RSRC1: variants seen among roughly 807,000 people sequenced by gnomAD.
RSRC1 encodes arginine and serine rich coiled-coil 1, also known as serine/Arginine-related protein 53.
Under a neutral mutation model 49.1 loss-of-function variants are expected in RSRC1, and 39 were observed. The ratio of observed to expected loss-of-function variants is 0.79; its 90% CI spans 0.61 to 1.04. RSRC1 has a LOEUF of 1.04. Among genes scored for constraint, RSRC1 ranks in the 50% least tolerant of loss-of-function variants. The pLI is 0.00. For missense variants in RSRC1, 388 were observed against 402.4 expected (o/e 0.96, Z 0.31); for synonymous variants, 143 against 130.8 (o/e 1.09, Z -0.63).
At chr3:158,487,949 G>GGAAAAAAAAAATAAAA (rs1553814781) in intron 7 of RSRC1, among the ~76,000 whole-genome samples, 1 of 28,920 alleles carries the variant, frequency 3.5e-5, no homozygotes, top group Non-Finnish European at 6.0e-5. Flanking sequence ...TCCATCTCAA[G>GGAAAAAAAAAATAAAA]AAAAAAAAAA....
chr3:158,131,489 G>A (rs764619397), intron 3 of RSRC1, among the ~76,000 whole-genome samples: 2 of 152,034 alleles, frequency 1.3e-5, no homozygotes, highest in African/African-American at 2.4e-5. Context: ...GAAATAATGT[G>A]GATATGTTCA....
intron 5 of RSRC1, among the ~76,000 whole-genome samples, chr3:158,348,913 G>A (rs2108228306): frequency 6.6e-6 from 1 of 152,222 alleles, no homozygotes; most frequent in South Asian, 2.1e-4. Flanking sequence ...TTGCTGCAAA[G>A]GACATGATTT....
At chr3:158,306,016 C>G (rs752091765) in intron 5 of RSRC1, among the ~76,000 whole-genome samples, 7 of 151,956 alleles carry the variant, frequency 4.6e-5, no homozygotes, top group Non-Finnish European at 8.8e-5. Context: ...AAAACAATAT[C>G]TTAATTCCAG....
rs143115556 is a variant in RSRC1 at position 158,290,806 on chromosome 3, A to G, written c.495-7233A>G. On this transcript the variant is annotated intron_variant, in intron 4 of 9. Coordinates refer to ENST00000611884, the MANE Select transcript of RSRC1 (RefSeq NM_001271838.2). ...GAAAGAAAAAAATACAAAATTAACTATGATCTTAGCTCTTATATCCATAGA... is the reference window on the plus strand; with the variant it reads ...GAAAGAAAAAAATACAAAATTAACTGTGATCTTAGCTCTTATATCCATAGA... 1.8e-4 allele frequency among the ~76,000 whole-genome samples: 28 copies of G among 152,316 alleles called. No homozygotes were observed. The East Asian group carries it at 3.1e-3, about 17-fold the overall frequency.
intron 4 of RSRC1, among the ~76,000 whole-genome samples, chr3:158,278,303 G>A (rs533639281): frequency 7.9e-5 from 12 of 152,238 alleles, no homozygotes; most frequent in East Asian, 5.8e-4. Flanking sequence ...TTAAATTTTC[G>A]TAGACTTACA....
chr3:158,292,069 G>T (rs1726967931), intron 4 of RSRC1, among the ~76,000 whole-genome samples: 2 of 152,090 alleles, frequency 1.3e-5, no homozygotes, highest in Admixed American at 1.3e-4. Flanking sequence ...AAACTATCAG[G>T]TGCTACCTGG....
At chr3:158,316,072 T>C (rs1728419466) in intron 5 of RSRC1, among the ~76,000 whole-genome samples, 1 of 151,078 alleles carries the variant, frequency 6.6e-6, no homozygotes, top group Middle Eastern at 3.2e-3. Context: ...CTGGGGAGGC[T>C]GAGGCACGAG....
intron 7 of RSRC1, 46 bp downstream of exon 7, chr3:158,461,049 G>A (rs755643164): frequency 2.1e-6 from 3 of 1,418,306 alleles, no homozygotes; most frequent in African/African-American, 2.9e-5. Context: ...CTATTTGGCT[G>A]TATTTCCTGA....
At chr3:158,444,620 A>G (rs907547104) in intron 6 of RSRC1, among the ~76,000 whole-genome samples, 1 of 152,220 alleles carries the variant, frequency 6.6e-6, no homozygotes, top group Non-Finnish European at 1.5e-5. Flanking sequence ...TGTCTAAAAC[A>G]GCAAAAGCAA....
intron 1 of RSRC1, among the ~76,000 whole-genome samples, chr3:158,118,458 T>TGCGCGC (rs879879544): frequency 4.2e-5 from 5 of 119,850 alleles, no homozygotes; most frequent in East Asian, 2.5e-4. Context: ...TGTGTGTGTG[T>TGCGCGC]GTGTGCGCGT....
intron 4 of RSRC1, among the ~76,000 whole-genome samples, chr3:158,215,423 A>G (rs1559946333): frequency 6.6e-6 from 1 of 150,546 alleles, no homozygotes; most frequent in Non-Finnish European, 1.5e-5. Context: ...CCTTGTATTC[A>G]TTTTAAAAAT....
chr3:158,324,539 A>G (rs900755817), intron 5 of RSRC1, among the ~76,000 whole-genome samples: 3 of 152,172 alleles, frequency 2.0e-5, no homozygotes, highest in South Asian at 2.1e-4. Flanking sequence ...AGCTTCATCC[A>G]TGTCCCTACA....
At chr3:158,193,010 C>T (rs1330701604) in intron 3 of RSRC1, among the ~76,000 whole-genome samples, 1 of 152,094 alleles carries the variant, frequency 6.6e-6, no homozygotes, top group Non-Finnish European at 1.5e-5. Context: ...TCAGATTTTA[C>T]AAATTCACTC....
chr3:158,185,981 A>G (rs1219377491), intron 3 of RSRC1, among the ~76,000 whole-genome samples: 1 of 151,902 alleles, frequency 6.6e-6, no homozygotes, highest in Admixed American at 6.6e-5. Context: ...CCTTTTAGTT[A>G]TGGTATGTGT....
intron 3 of RSRC1, among the ~76,000 whole-genome samples, chr3:158,191,011 C>T (rs1413357167): frequency 1.3e-5 from 2 of 151,952 alleles, no homozygotes; most frequent in African/African-American, 2.4e-5. Context: ...AGCCTTCTAA[C>T]TCCTGGAGTC....
chr3:158,496,865 T>C lies in RSRC1; in HGVS notation c.652+35862T>C, dbSNP rs571412379. On this transcript the variant is annotated intron_variant, in intron 7 of 9. Transcript: ENST00000611884. ...GTCATTGGTTGCAATTGTGTAGTAG[T>C]TAAGGACTATGGCAAAGAATCTCAG... 503 of 212,048 alleles carry C rather than the reference T, an allele frequency of 2.4e-3. 1 individual carries two copies. Among genetic ancestry groups the C allele is most frequent in the Middle Eastern group, 7.6e-3 (3 of 396 alleles). The allele number at this position is 212,048 out of a possible 1,614,324, so 13.1% of individuals were successfully genotyped here. A position where few individuals can be genotyped will look rare whatever the true frequency, so the allele number is the denominator to read the frequency against.
intron 7 of RSRC1, among the ~76,000 whole-genome samples, chr3:158,476,703 A>G (rs1738383948): frequency 6.6e-6 from 1 of 152,192 alleles, no homozygotes; most frequent in South Asian, 2.1e-4. Context: ...ATTGACATGT[A>G]CAAGGAGAAT....
At chr3:158,505,970 A>G (rs548288752) in intron 7 of RSRC1, among the ~76,000 whole-genome samples, 1 of 152,308 alleles carries the variant, frequency 6.6e-6, no homozygotes, top group East Asian at 1.9e-4. Flanking sequence ...CATTTCTTTA[A>G]AAAGCAAATA....
intron 6 of RSRC1, among the ~76,000 whole-genome samples, chr3:158,367,781 A>G (rs1430036046): frequency 6.6e-6 from 1 of 152,130 alleles, no homozygotes; most frequent in African/African-American, 2.4e-5. Flanking sequence ...TCAATCAAGT[A>G]TGGTTTATGG....
Sources: allele counts gnomAD v4.1 joint callset (sites outside exome capture counted in the v4.1 genomes callset), GRCh38; gene constraint gnomAD v4.1.1; transcripts MANE v1.5; gene names NCBI Gene and HGNC (gene_info 2026-07-23, HGNC 2026-07-21).